The following TMEM131L variants were observed in gnomAD, a reference collection of about 807,000 sequenced individuals.
TMEM131L encodes transmembrane 131 like, also known as transmembrane protein 131-like.
A neutral mutation model predicts 192.2 loss-of-function variants in TMEM131L; 54 were observed. The ratio of observed to expected loss-of-function variants is 0.28; its 90% CI spans 0.23 to 0.35. TMEM131L has a LOEUF of 0.35. Among genes scored for constraint, TMEM131L ranks in the 10% least tolerant of loss-of-function variants. The probability of loss-of-function intolerance (pLI) is 1.00; values close to 1 mark genes in which losing one functional copy is unlikely to be tolerated. For missense variants in TMEM131L, 1,888 were observed against 1,972.9 expected, an observed-to-expected ratio of 0.96 and a Z score of 0.82; for synonymous variants, 701 against 704.9, an observed-to-expected ratio of 0.99 and a Z score of 0.09.
intron 7 of TMEM131L, among the ~76,000 whole-genome samples, chr4:153,574,235 T>C (rs1295498560): frequency 6.6e-6 from 1 of 152,260 alleles, no homozygotes; most frequent in Non-Finnish European, 1.5e-5. Flanking sequence ...TCCTAGGTTT[T>C]TGCAAATGTT....
intron 3 of TMEM131L, among the ~76,000 whole-genome samples, chr4:153,480,816 G>T (rs1731890007): frequency 6.6e-6 from 1 of 152,138 alleles, no homozygotes; most frequent in African/African-American, 2.4e-5. Context: ...CCTTTAGCTT[G>T]CAGGTGCCAC....
intron 6 of TMEM131L, 101 bp downstream of exon 6, chr4:153,557,183 G>C: frequency 1.5e-6 from 1 of 668,706 alleles, no homozygotes; most frequent in Admixed American, 2.9e-5. Flanking sequence ...TTGTCACCTG[G>C]TTTATGTCGT....
chr4:153,530,222 C>T (rs539808698), intron 3 of TMEM131L, among the ~76,000 whole-genome samples: 1 of 152,134 alleles, frequency 6.6e-6, no homozygotes, highest in East Asian at 1.9e-4. Context: ...TCAGGATATT[C>T]CAGGGGAAGT....
chr4:153,491,049 G>A (rs887740201), intron 3 of TMEM131L, among the ~76,000 whole-genome samples: 9 of 152,026 alleles, frequency 5.9e-5, no homozygotes, highest in South Asian at 4.2e-4. Context: ...GGTATTGTCC[G>A]TGTCGAAGTC....
At chr4:153,583,025 A>G (rs1279157866) in intron 9 of TMEM131L, among the ~76,000 whole-genome samples, 165 bp from the exon 10 acceptor site, 1 of 152,120 alleles carries the variant, frequency 6.6e-6, no homozygotes, top group Non-Finnish European at 1.5e-5. Flanking sequence ...AAAAAAAAGA[A>G]AACACCTCCT....
At chr4:153,505,524 G>A (rs1033210898) in intron 3 of TMEM131L, among the ~76,000 whole-genome samples, 3 of 152,062 alleles carry the variant, frequency 2.0e-5, no homozygotes, top group African/African-American at 7.2e-5. Context: ...GTCACATTCT[G>A]ATAAATGGGA....
chr4:153,467,473 A>G (rs2149693253), intron 2 of TMEM131L, among the ~76,000 whole-genome samples, 192 bp downstream of exon 2: 1 of 152,360 alleles, frequency 6.6e-6, no homozygotes, highest in East Asian at 1.9e-4. Context: ...GCCATGTGAC[A>G]GGGCCTGAGG....
chr4:153,613,731 T>C (rs1383246540), intron 26 of TMEM131L, among the ~76,000 whole-genome samples: 4 of 152,176 alleles, frequency 2.6e-5, no homozygotes, highest in African/African-American at 7.2e-5. Context: ...GTGTGTAGGC[T>C]CATAGAAAAA....
chr4:153,502,029 G>T (rs2149999611), intron 3 of TMEM131L, among the ~76,000 whole-genome samples: 1 of 145,138 alleles, frequency 6.9e-6, no homozygotes, highest in African/African-American at 2.6e-5. Flanking sequence ...ACGGCTCACT[G>T]CAACCTTAAC....
chr4:153,628,968 T>G (rs937799505), intron 31 of TMEM131L, among the ~76,000 whole-genome samples: 6 of 152,254 alleles, frequency 3.9e-5, no homozygotes, highest in East Asian at 1.9e-4. Flanking sequence ...CTCCCTCACC[T>G]CCCTCACAGC....
chr4:153,556,989 T>A lies in TMEM131L; in HGVS notation c.456T>A (p.Thr152=), dbSNP rs759663802. 4 of 1,597,692 alleles carry A rather than the reference T, an allele frequency of 2.5e-6. No homozygotes were observed. The African/African-American group carries it at 5.4e-5, about 21-fold the overall frequency. The change falls in exon 6 of 35, where the codon ACT becomes ACA. Residue 152 remains threonine, a synonymous_variant. Transcript: ENST00000409959. The part of the protein sequence containing the change: ...PCRVIPAMGK[T]SFRIIFLPTE... ...AGGTAATTCCAGCAATGGGGAAAAC[T>A]TCCTTCAGAATTATTTTCTTACCTA...
chr4:153,469,849 C>T (rs1243180019), intron 2 of TMEM131L, among the ~76,000 whole-genome samples: 1 of 152,070 alleles, frequency 6.6e-6, no homozygotes, highest in Non-Finnish European at 1.5e-5. Flanking sequence ...TTGCTTGAAC[C>T]TGGGAGGCGG....
Position 153,588,968 on chromosome 4 carries a change from A to T in TMEM131L, c.1631A>T (p.Tyr544Phe), listed in dbSNP as rs748929056. The T allele has an allele frequency of 1.9e-6, 3 of 1,602,578 alleles. No individual in the cohort carries two copies. The highest frequency in any genetic ancestry group is 2.6e-6 in the Non-Finnish European group (3 of 1,169,568). The change falls in exon 16 of 35, where the codon TAT becomes TTT. Residue 544 changes from tyrosine (Y) to phenylalanine (F), a missense_variant. Transcript: ENST00000409959. ...NVDSELANKL[Y>F]ERWKKYKNGD... is the part of the protein sequence containing the mutation. ...GATTCTGAACTTGCAAATAAATTGT[A>T]TGAAAGATGGAAGAAATATAAAAAT...
chr4:153,486,778 A>C (rs914757703), intron 3 of TMEM131L, among the ~76,000 whole-genome samples: 1 of 152,194 alleles, frequency 6.6e-6, no homozygotes, highest in Non-Finnish European at 1.5e-5. Context: ...TCACCCACCC[A>C]CGCCTGTGGA....
intron 4 of TMEM131L, among the ~76,000 whole-genome samples, chr4:153,552,701 G>A (rs542533278): frequency 6.6e-6 from 1 of 152,018 alleles, no homozygotes; most frequent in African/African-American, 2.4e-5. Flanking sequence ...AAGCATGGTG[G>A]TGCACACCTG....
chr4:153,559,771 C>T (rs1276730969), intron 7 of TMEM131L, among the ~76,000 whole-genome samples: 4 of 152,058 alleles, frequency 2.6e-5, no homozygotes, highest in African/African-American at 7.2e-5. Context: ...TCAAGTTGGA[C>T]CCCATTAGTC....
chr4:153,605,989 G>A (rs1312624895), intron 25 of TMEM131L, among the ~76,000 whole-genome samples: 5 of 152,198 alleles, frequency 3.3e-5, no homozygotes, highest in Non-Finnish European at 2.9e-5. Flanking sequence ...CACGCCTGAA[G>A]TGGACTTATG....
chr4:153,564,031 G>A (rs573074756), intron 7 of TMEM131L, among the ~76,000 whole-genome samples: 3 of 151,912 alleles, frequency 2.0e-5, no homozygotes, highest in Admixed American at 2.0e-4. Flanking sequence ...GCTCACACCT[G>A]TAATCCCAGC....
intron 3 of TMEM131L, among the ~76,000 whole-genome samples, chr4:153,530,438 A>G (rs1735810495): frequency 6.6e-6 from 1 of 152,120 alleles, no homozygotes; most frequent in Non-Finnish European, 1.5e-5. Context: ...TCCCCACAGG[A>G]AGGGGAAATA....
Sources: gnomAD v4.1 joint callset for allele counts (sites outside exome capture counted in the v4.1 genomes callset) on GRCh38, gnomAD v4.1.1 for gene constraint, MANE v1.5 for transcripts, NCBI Gene and HGNC (gene_info 2026-07-23, HGNC 2026-07-21) for gene names.